The following KAZN variants were observed in gnomAD, a reference collection of about 807,000 sequenced individuals.
KAZN encodes kazrin.
A neutral mutation model predicts 87.4 loss-of-function variants in KAZN; 40 were observed. The observed-to-expected ratio is 0.46, with a 90% confidence interval of 0.36 to 0.60. The LOEUF (loss-of-function observed/expected upper bound fraction) is 0.60, where lower values mean the gene tolerates loss of function less well. Ranked by LOEUF, KAZN falls within the 20% of genes least tolerant of loss-of-function variation. The pLI, the probability that KAZN is intolerant of heterozygous loss-of-function variation, is 0.00. For synonymous variants in KAZN, 466 were observed against 458.3 expected (o/e 1.02, Z -0.22); for missense variants, 898 against 1,073.9 (o/e 0.84, Z 2.29).
intron 4 of KAZN, among the ~76,000 whole-genome samples, chr1:15,046,180 C>G (rs1039772761): frequency 6.6e-6 from 1 of 151,768 alleles, no homozygotes; most frequent in Non-Finnish European, 1.5e-5. Flanking sequence ...TGCCTGTAAT[C>G]CCAGTTACTC....
At chr1:14,435,482 G>A (rs566753610) in intron 2 of KAZN, among the ~76,000 whole-genome samples, 2 of 152,274 alleles carry the variant, frequency 1.3e-5, no homozygotes, top group East Asian at 3.9e-4. Context: ...GGCATGACCC[G>A]CGCCACCTGG....
intron 1 of KAZN, among the ~76,000 whole-genome samples, chr1:14,954,229 A>G (rs1662822954): frequency 6.6e-6 from 1 of 152,212 alleles, no homozygotes; most frequent in African/African-American, 2.4e-5. Context: ...TCCTGCTACC[A>G]TGGCCAAGAG....
intron 1 of KAZN, among the ~76,000 whole-genome samples, chr1:14,858,912 C>G (rs953106754): frequency 2.0e-5 from 3 of 152,126 alleles, no homozygotes; most frequent in African/African-American, 7.2e-5. Context: ...TAAAATTTCT[C>G]ATCTTCCATG....
intron 2 of KAZN, among the ~76,000 whole-genome samples, chr1:15,023,501 G>A (rs573973299): frequency 6.6e-6 from 1 of 152,254 alleles, no homozygotes; most frequent in South Asian, 2.1e-4. Flanking sequence ...CCAGTGCATG[G>A]ACAGCCAGGA....
At chr1:14,321,479 T>C (rs1179086820) in intron 2 of KAZN, among the ~76,000 whole-genome samples, 2 of 152,162 alleles carry the variant, frequency 1.3e-5, no homozygotes, top group African/African-American at 2.4e-5. Context: ...CAGAGGGGCA[T>C]GCAGCATTTT....
chr1:14,580,858 T>A (rs932488565), intron 2 of KAZN, among the ~76,000 whole-genome samples: 1 of 152,192 alleles, frequency 6.6e-6, no homozygotes, highest in Non-Finnish European at 1.5e-5. Context: ...ATCAATGTCA[T>A]CGCTTACTCA....
At chr1:15,078,181 A>C (rs1410709825) in intron 8 of KAZN, among the ~76,000 whole-genome samples, 5 of 152,086 alleles carry the variant, frequency 3.3e-5, no homozygotes, top group Non-Finnish European at 7.4e-5. Context: ...TTAGGAGGCC[A>C]AGGTGGGCAG....
intron 2 of KAZN, among the ~76,000 whole-genome samples, chr1:14,447,806 G>A (rs1392600982): frequency 1.3e-5 from 2 of 152,044 alleles, no homozygotes; most frequent in Non-Finnish European, 1.5e-5. Flanking sequence ...ACATCAAAGG[G>A]TGGATTAGAT....
chr1:14,113,512 G>A (rs1002618387), intron 1 of KAZN, among the ~76,000 whole-genome samples: 6 of 152,150 alleles, frequency 3.9e-5, no homozygotes, highest in Admixed American at 1.3e-4. Flanking sequence ...CATTTATTAC[G>A]TCCTTCCCAC....
intron 2 of KAZN, among the ~76,000 whole-genome samples, chr1:14,571,588 G>A (rs1240392844): frequency 6.6e-6 from 1 of 152,136 alleles, no homozygotes; most frequent in Non-Finnish European, 1.5e-5. Context: ...TGGCAAATTG[G>A]TCAGAGGCTA....
intron 1 of KAZN, among the ~76,000 whole-genome samples, chr1:13,989,257 G>A (rs1443413980): frequency 1.3e-5 from 2 of 152,038 alleles, no homozygotes; most frequent in Non-Finnish European, 2.9e-5. Flanking sequence ...CTTTTGGGGG[G>A]ACACATTTAA....
intron 2 of KAZN, among the ~76,000 whole-genome samples, chr1:15,003,244 A>T (rs189587904): frequency 5.3e-5 from 8 of 152,126 alleles, no homozygotes; most frequent in Admixed American, 5.2e-4. Flanking sequence ...AATGCATGTA[A>T]ATTGCAAAAC....
At chr1:14,347,147 C>T (rs529508652) in intron 2 of KAZN, among the ~76,000 whole-genome samples, 4 of 152,276 alleles carry the variant, frequency 2.6e-5, no homozygotes, top group Non-Finnish European at 4.4e-5. Context: ...GGAATGTTCC[C>T]GCTCCTATCC....
At chr1:14,439,463 C>A (rs1435679129) in intron 2 of KAZN, among the ~76,000 whole-genome samples, 1 of 152,134 alleles carries the variant, frequency 6.6e-6, no homozygotes, top group African/African-American at 2.4e-5. Context: ...AATGTCTCTT[C>A]TCTGCTCAAA....
chr1:14,026,617 G>C (rs1240108056), intron 1 of KAZN, among the ~76,000 whole-genome samples: 1 of 151,698 alleles, frequency 6.6e-6, no homozygotes, highest in Non-Finnish European at 1.5e-5. Flanking sequence ...ATGGTGTAGA[G>C]CAGCAACTTT....
At chr1:15,089,721 G>A (rs1640438223) in intron 8 of KAZN, among the ~76,000 whole-genome samples, 1 of 115,464 alleles carries the variant, frequency 8.7e-6, no homozygotes, top group Admixed American at 1.1e-4. Flanking sequence ...GCAAAGGGAA[G>A]CTTTTATTGG....
chr1:14,042,385 C>T (rs1641876498), intron 1 of KAZN, among the ~76,000 whole-genome samples: 1 of 152,190 alleles, frequency 6.6e-6, no homozygotes, highest in Admixed American at 6.5e-5. Flanking sequence ...GCTTCTCATC[C>T]AGACCTGTAG....
intron 1 of KAZN, among the ~76,000 whole-genome samples, chr1:14,942,569 C>G (rs1407435401): frequency 6.6e-6 from 1 of 152,240 alleles, no homozygotes; most frequent in East Asian, 1.9e-4. Context: ...TAGTCAGTAT[C>G]ATTTTCTCCT....
At chr1:14,740,544 G>C (rs10927526) in intron 1 of KAZN, among the ~76,000 whole-genome samples, 2 of 151,150 alleles carry the variant, frequency 1.3e-5, no homozygotes, top group Middle Eastern at 3.4e-3. Context: ...CTCTGCCTCC[G>C]CCCCCCCAAA....
Sources: allele counts gnomAD v4.1 joint callset (sites outside exome capture counted in the v4.1 genomes callset), GRCh38; gene constraint gnomAD v4.1.1; transcripts MANE v1.5; gene names NCBI Gene and HGNC (gene_info 2026-07-23, HGNC 2026-07-21).